Variants in NAALADL2 observed in about 807,000 individuals in gnomAD.
NAALADL2 encodes N-acetylated alpha-linked acidic dipeptidase like 2.
A neutral mutation model predicts 87.2 loss-of-function variants in NAALADL2; 76 were observed. The observed-to-expected ratio is 0.87, with a 90% CI of 0.72 to 1.05. The LOEUF (loss-of-function observed/expected upper bound fraction) is 1.05, where lower values mean the gene tolerates loss of function less well. NAALADL2 is among the 50% of genes least tolerant of loss of function. The probability of loss-of-function intolerance (pLI) is 0.00; values close to 1 mark genes in which losing one functional copy is unlikely to be tolerated. For missense variants in NAALADL2, 1,089 were observed against 945.8 expected, an observed-to-expected ratio of 1.15 and a Z score of -1.99; for synonymous variants, 354 against 331.0, an observed-to-expected ratio of 1.07 and a Z score of -0.75.
chr3:175,064,492 G>A (rs377687443), intron 1 of NAALADL2, among the ~76,000 whole-genome samples: 33 of 149,306 alleles, frequency 2.2e-4, no homozygotes, highest in African/African-American at 8.4e-4. Context: ...TCTCCCTAAA[G>A]GGCAGGGGGC....
chr3:175,279,287 A>G (rs1753978935), intron 4 of NAALADL2, among the ~76,000 whole-genome samples: 1 of 152,146 alleles, frequency 6.6e-6, no homozygotes, highest in South Asian at 2.1e-4. Context: ...CAAGGTACTT[A>G]TTGAAATTAC....
At chr3:175,359,487 G>A (rs537347105) in intron 5 of NAALADL2, among the ~76,000 whole-genome samples, 1 of 151,948 alleles carries the variant, frequency 6.6e-6, no homozygotes, top group South Asian at 2.1e-4. Context: ...TCTGCCTTCT[G>A]TGTAGGAAGG....
chr3:174,947,510 A>G (rs1739622636), intron 1 of NAALADL2, among the ~76,000 whole-genome samples: 1 of 152,144 alleles, frequency 6.6e-6, no homozygotes, highest in African/African-American at 2.4e-5. Context: ...ATTTTTAAAA[A>G]TTCCCTGGAA....
rs993726942 is a variant in NAALADL2, at chr3:174,810,744, T to A, written c.-9+72998T>A. On this transcript the variant is annotated intron_variant, in intron 3 of 3. Transcript: ENST00000434257. The stretch of plus-strand genomic sequence containing the variant: ...AGATTGGGAGGCAACTCAAGCAGGC[T>A]GCAGAAATTTCTATTACTAAAAGGA... Among the ~76,000 whole-genome samples the A allele has an allele frequency of 5.9e-5, 9 of 152,296 alleles. No homozygotes were observed. The South Asian group carries it at 1.5e-3, about 25-fold the overall frequency.
chr3:174,826,102 A>G (rs1025692515), intron 3 of NAALADL2, among the ~76,000 whole-genome samples: 4 of 152,050 alleles, frequency 2.6e-5, no homozygotes, highest in African/African-American at 9.7e-5. Context: ...ACAAAACAAA[A>G]CAAAATCTTT....
intron 9 of NAALADL2, among the ~76,000 whole-genome samples, chr3:175,567,976 A>C (rs1363191337): frequency 6.6e-6 from 1 of 152,130 alleles, no homozygotes; most frequent in Non-Finnish European, 1.5e-5. Context: ...TTGGCCTCCC[A>C]AAGTGCTGGG....
chr3:175,585,726 C>T (rs1380305043), intron 10 of NAALADL2, among the ~76,000 whole-genome samples: 1 of 151,588 alleles, frequency 6.6e-6, no homozygotes, highest in East Asian at 1.9e-4. Context: ...ATTTAGTTTC[C>T]TAAATTAAAA....
intron 2 of NAALADL2, among the ~76,000 whole-genome samples, chr3:175,198,023 C>A (rs1473846721): frequency 1.3e-5 from 2 of 151,996 alleles, no homozygotes; most frequent in Non-Finnish European, 2.9e-5. Context: ...GATACTTTAA[C>A]AATTAGATTT....
chr3:174,814,915 A>G (rs1048669257), intron 3 of NAALADL2, among the ~76,000 whole-genome samples: 37 of 152,332 alleles, frequency 2.4e-4, no homozygotes, highest in African/African-American at 8.2e-4. Flanking sequence ...TTTATGCTGT[A>G]GGTAAATGAA....
chr3:175,171,926 G>C (rs1476161203), intron 2 of NAALADL2, among the ~76,000 whole-genome samples: 1 of 152,054 alleles, frequency 6.6e-6, no homozygotes, highest in East Asian at 1.9e-4. Flanking sequence ...GTGGCAGTTG[G>C]GGGGATAAAG....
chr3:175,129,916 T>C (rs187440593), intron 2 of NAALADL2, among the ~76,000 whole-genome samples: 2 of 152,320 alleles, frequency 1.3e-5, no homozygotes, highest in African/African-American at 4.8e-5. Flanking sequence ...ATAATGATTG[T>C]ATCAATTTAC....
intron 5 of NAALADL2, among the ~76,000 whole-genome samples, chr3:175,394,685 G>A (rs900736059): frequency 1.3e-5 from 2 of 152,174 alleles, no homozygotes; most frequent in South Asian, 2.1e-4. Flanking sequence ...TTATCTGCAG[G>A]GGATATGCTC....
At chr3:174,936,940 C>T (rs2108447861) in intron 1 of NAALADL2, among the ~76,000 whole-genome samples, 1 of 152,112 alleles carries the variant, frequency 6.6e-6, no homozygotes, top group South Asian at 2.1e-4. Context: ...CACACATAAG[C>T]CAAAATGGAT....
rs185642573 is a variant in NAALADL2, at chr3:174,879,880, A to C, written c.43+20430A>C. ...TTCATGTTCTCAAATTCATTAGTAAATTCTCAATCTTCTTCCTGCTTGATC... is the reference window on the plus strand; with the variant it reads ...TTCATGTTCTCAAATTCATTAGTAACTTCTCAATCTTCTTCCTGCTTGATC... On this transcript the variant is annotated intron_variant, in intron 1 of 13. Transcript: ENST00000454872. 4.6e-5 allele frequency among the ~76,000 whole-genome samples: 7 copies of C among 152,126 alleles called. No individual in the cohort carries two copies. The East Asian group carries it at 1.4e-3, about 29-fold the overall frequency.
rs1478235734 is a variant in NAALADL2, at chr3:175,324,334, G to A, written c.1090+9G>A. On this transcript the variant is annotated intron_variant, in intron 5 of 13. Coordinates refer to ENST00000454872, the MANE Select transcript of NAALADL2 (RefSeq NM_207015.3). ...TGGTTACCCAAGTGTCGGTAAGTTTGTTGGTCATCATTATTATACTTGTAA... is the reference window on the plus strand; with the variant it reads ...TGGTTACCCAAGTGTCGGTAAGTTTATTGGTCATCATTATTATACTTGTAA... The A allele has an allele frequency of 6.2e-7, 1 of 1,607,352 alleles. No homozygotes were observed. The highest frequency in any genetic ancestry group is 8.5e-7 in the Non-Finnish European group (1 of 1,177,480).
intron 11 of NAALADL2, among the ~76,000 whole-genome samples, chr3:175,664,552 T>TG (rs1732696120): frequency 1.3e-5 from 2 of 152,124 alleles, no homozygotes; most frequent in African/African-American, 4.8e-5. Flanking sequence ...CCACACAGAT[T>TG]GAACATCTGC....
intron 3 of NAALADL2, among the ~76,000 whole-genome samples, chr3:175,239,448 T>C (rs2109574638): frequency 6.6e-6 from 1 of 152,340 alleles, no homozygotes; most frequent in South Asian, 2.1e-4. Flanking sequence ...TTTTGTCCTT[T>C]GTGAAACACC....
At chr3:175,289,017 G>A in intron 4 of NAALADL2, among the ~76,000 whole-genome samples, 1 of 151,698 alleles carries the variant, frequency 6.6e-6, no homozygotes, top group Non-Finnish European at 1.5e-5. Flanking sequence ...ATCTCTTTAG[G>A]GATTAATATA....
At chr3:175,398,848 G>C (rs918218226) in intron 5 of NAALADL2, among the ~76,000 whole-genome samples, 1 of 151,832 alleles carries the variant, frequency 6.6e-6, no homozygotes, top group African/African-American at 2.4e-5. Context: ...TAGGGGTCCC[G>C]ATCCAGACCC....
Sources: allele counts gnomAD v4.1 joint callset (sites outside exome capture counted in the v4.1 genomes callset), GRCh38; gene constraint gnomAD v4.1.1; transcripts MANE v1.5; gene names NCBI Gene and HGNC (gene_info 2026-07-23, HGNC 2026-07-21).